Variants in WDTC1 observed in about 807,000 individuals in gnomAD.
The protein encoded by WDTC1 is WD and tetratricopeptide repeats 1.
A neutral mutation model predicts 76.0 loss-of-function variants in WDTC1; 12 were observed. The ratio of observed to expected loss-of-function variants is 0.16; its 90% CI spans 0.10 to 0.26. WDTC1 has a LOEUF of 0.26. WDTC1 is among the 10% of genes least tolerant of loss of function. WDTC1 has a pLI of 1.00. For missense variants in WDTC1, 511 were observed against 908.8 expected (o/e 0.56, Z 5.63); for synonymous variants, 326 against 350.8 (o/e 0.93, Z 0.79).
intron 6 of WDTC1, among the ~76,000 whole-genome samples, chr1:27,289,083 G>A (rs1250605200): frequency 7.0e-6 from 1 of 143,082 alleles, no homozygotes; most frequent in Non-Finnish European, 1.6e-5. Flanking sequence ...GCAGGGGGCT[G>A]ACCCCCCCAC....
intron 1 of WDTC1, among the ~76,000 whole-genome samples, chr1:27,242,769 G>A (rs1022870088): frequency 5.3e-5 from 8 of 152,070 alleles, no homozygotes; most frequent in African/African-American, 1.9e-4. Flanking sequence ...GCACCCAGGC[G>A]ACCCTGTCTC....
intron 1 of WDTC1, among the ~76,000 whole-genome samples, chr1:27,241,914 G>C (rs75228112): frequency 8.4e-6 from 1 of 118,946 alleles, no homozygotes; most frequent in Non-Finnish European, 1.8e-5. Context: ...TTTTTTTTTT[G>C]AGAGTCTCGC....
chr1:27,306,207 G>A lies in WDTC1; in HGVS notation c.1858G>A (p.Val620Ile). The A allele has an allele frequency of 6.2e-7, 1 of 1,614,116 alleles. No homozygotes were observed. Among genetic ancestry groups the A allele is most frequent in the Non-Finnish European group, 8.5e-7 (1 of 1,180,024 alleles). ...RPESEDLTGR[V>I]VEDMEGASQA... The stretch of plus-strand genomic sequence containing the variant: ...ACAGAGTGAAGACCTCACAGGCCGA[G>A]TCGTGGAAGATATGGAGGGTGCTTC... The change falls in exon 16 of 16, where the codon GTC becomes ATC. Residue 620 changes from valine (V) to isoleucine (I), a missense_variant. Coordinates refer to ENST00000319394, the MANE Select transcript of WDTC1 (RefSeq NM_001276252.2). The surrounding 1 kb of genome is among the most constrained non-coding windows in gnomAD (Gnocchi z 5.0).
intron 1 of WDTC1, among the ~76,000 whole-genome samples, chr1:27,258,730 A>C (rs888651327): frequency 1.3e-5 from 2 of 152,192 alleles, no homozygotes; most frequent in Non-Finnish European, 2.9e-5. Context: ...GCAATAACAT[A>C]ATGTTTAGGT....
intron 1 of WDTC1, among the ~76,000 whole-genome samples, chr1:27,258,255 GGGCACTGT>G (rs1330168326): frequency 6.6e-6 from 1 of 151,336 alleles, no homozygotes; most frequent in Non-Finnish European, 1.5e-5. Context: ...AAAAATGGCT[GGGCACTGT>G]GGCTCACACC....
At chr1:27,283,544 A>G in intron 5 of WDTC1, 95 bp downstream of exon 5, 1 of 1,084,840 alleles carries the variant, frequency 9.2e-7, no homozygotes, top group Non-Finnish European at 1.4e-6. Context: ...TGTGTGTCCC[A>G]TATACCGTCT....
At chr1:27,291,942 T>C (rs1158079011) in intron 6 of WDTC1, among the ~76,000 whole-genome samples, 1 of 152,164 alleles carries the variant, frequency 6.6e-6, no homozygotes, top group Non-Finnish European at 1.5e-5. Flanking sequence ...TAATCAGTAG[T>C]AGTATAATAG....
At chr1:27,293,731 A>G (rs2013605330) in intron 7 of WDTC1, among the ~76,000 whole-genome samples, 1 of 152,022 alleles carries the variant, frequency 6.6e-6, no homozygotes. Context: ...TGCCCCTCAC[A>G]CACTGCATGG....
At chr1:27,276,730 A>G (rs540539343) in intron 3 of WDTC1, among the ~76,000 whole-genome samples, 66 of 149,168 alleles carry the variant, frequency 4.4e-4, no homozygotes, top group Non-Finnish European at 8.3e-4. Flanking sequence ...TTTTTTTTTT[A>G]TTATAGCCCT....
rs578140833 is a variant in WDTC1, at chr1:27,274,577, T to A, written c.133-7662T>A. ...TTAAATTTAAATTAATGAGGATTAA[T>A]TTAAGCCGTTCTAGTATATAAGACC... is the stretch of plus-strand genomic sequence containing the variant. On this transcript the variant is annotated intron_variant, in intron 3 of 15. Coordinates refer to ENST00000319394, the MANE Select transcript of WDTC1 (RefSeq NM_001276252.2). This position sits in a 1 kb window ranked among gnomAD's most constrained non-coding sequence, Gnocchi z 4.2. Among the ~76,000 whole-genome samples the A allele has an allele frequency of 1.2e-4, 18 of 152,254 alleles. No individual in the cohort carries two copies. Among genetic ancestry groups the A allele is most frequent in the Non-Finnish European group, 2.5e-4 (17 of 68,044 alleles).
intron 1 of WDTC1, among the ~76,000 whole-genome samples, chr1:27,257,827 G>A (rs1169970229): frequency 6.6e-6 from 1 of 152,092 alleles, no homozygotes; most frequent in African/African-American, 2.4e-5. Flanking sequence ...GTCTTGCTCT[G>A]TCACCCAGGC....
chr1:27,298,975 C>G (rs2013763863), intron 12 of WDTC1, among the ~76,000 whole-genome samples: 1 of 152,060 alleles, frequency 6.6e-6, no homozygotes, highest in African/African-American at 2.4e-5. Flanking sequence ...AGATGCTGTC[C>G]CCCGGCCTTA....
At chr1:27,263,269 G>A (rs1282592751) in intron 3 of WDTC1, 34 bp downstream of exon 3, 3 of 1,599,238 alleles carry the variant, frequency 1.9e-6, no homozygotes, top group Non-Finnish European at 2.6e-6. Flanking sequence ...AGATGCAGAT[G>A]GCCTGCTGTC....
Position 27,271,137 on chromosome 1 carries a change from G to A in WDTC1, c.132+7902G>A, listed in dbSNP as rs1003704352. ...AACTAATGAAATTGGTCACTCCAGCGGGTGGGAGGTATAAGGTAGAAGGGT... is the reference window on the plus strand; with the variant it reads ...AACTAATGAAATTGGTCACTCCAGCAGGTGGGAGGTATAAGGTAGAAGGGT... On this transcript the variant is annotated intron_variant, in intron 3 of 15. Transcript: ENST00000319394. 5.3e-5 allele frequency among the ~76,000 whole-genome samples: 8 copies of A among 152,286 alleles called. No individual in the cohort carries two copies. In the East Asian group the frequency reaches 7.7e-4, roughly 15 times the overall value.
intron 1 of WDTC1, among the ~76,000 whole-genome samples, chr1:27,235,316 G>T (rs1357501495): frequency 6.6e-6 from 1 of 152,106 alleles, no homozygotes; most frequent in Non-Finnish European, 1.5e-5. Context: ...GCAGGTGTAA[G>T]TGCTGGGAGG....
chr1:27,239,566 G>A (rs2011569972), intron 1 of WDTC1, among the ~76,000 whole-genome samples: 2 of 144,720 alleles, frequency 1.4e-5, no homozygotes, highest in Non-Finnish European at 3.0e-5. Context: ...GCTCATGCCT[G>A]TAATCCTAGC....
At chr1:27,254,506 C>T (rs371038642) in intron 1 of WDTC1, among the ~76,000 whole-genome samples, 7 of 152,076 alleles carry the variant, frequency 4.6e-5, no homozygotes, top group South Asian at 2.1e-4. Flanking sequence ...GGCTGAGGCA[C>T]GGAACCGCTT....
chr1:27,269,220 A>C (rs1042930524), intron 3 of WDTC1, among the ~76,000 whole-genome samples: 5 of 146,912 alleles, frequency 3.4e-5, no homozygotes, highest in Non-Finnish European at 7.5e-5. Context: ...ACATGCCTAT[A>C]GTCCCCAGCT....
chr1:27,301,103 C>A lies in WDTC1; in HGVS notation c.1233-123C>A, dbSNP rs566423666. On this transcript the variant is annotated intron_variant, in intron 12 of 15. Coordinates refer to ENST00000319394, the MANE Select transcript of WDTC1 (RefSeq NM_001276252.2). This position sits in a 1 kb window ranked among gnomAD's most constrained non-coding sequence, Gnocchi z 5.8. Reference sequence around the variant, plus strand: ...GCCAGGATTCTCTTCGTCCTCAAGTCCCCTTGCCATGAGATCTGTCAGTGG... The same window carrying A: ...GCCAGGATTCTCTTCGTCCTCAAGTACCCTTGCCATGAGATCTGTCAGTGG... The A allele has an allele frequency of 4.7e-5, 37 of 794,772 alleles. No homozygotes were observed. The African/African-American group carries it at 5.1e-4, about 11-fold the overall frequency. 49.2% of individuals were successfully genotyped at this position (794,772 alleles called of 1,614,324 possible).
Sources: allele counts gnomAD v4.1 joint callset (sites outside exome capture counted in the v4.1 genomes callset), GRCh38; gene constraint gnomAD v4.1.1; non-coding constraint Gnocchi (gnomAD v3.1); transcripts MANE v1.5; gene names NCBI Gene and HGNC (gene_info 2026-07-23, HGNC 2026-07-21).